LRRC36: variants seen among roughly 807,000 people sequenced by gnomAD.
The protein encoded by LRRC36 is leucine-rich repeat-containing protein 36.
LRRC36 carries 62 observed loss-of-function variants against 81.1 expected under a neutral mutation model. The ratio of observed to expected loss-of-function variants is 0.76; its 90% CI spans 0.62 to 0.94. The LOEUF (loss-of-function observed/expected upper bound fraction) is 0.94, where lower values mean the gene tolerates loss of function less well. Ranked by LOEUF, LRRC36 falls within the 40% of genes least tolerant of loss-of-function variation. The probability of loss-of-function intolerance (pLI) is 0.00; values close to 1 mark genes in which losing one functional copy is unlikely to be tolerated. For missense variants in LRRC36, 761 were observed against 881.7 expected, an observed-to-expected ratio of 0.86 and a Z score of 1.73; for synonymous variants, 334 against 348.6, an observed-to-expected ratio of 0.96 and a Z score of 0.47.
At chr16:67,362,086 T>TAAAAATTAA in intron 5 of LRRC36, 1 of 349,554 alleles carries the variant, frequency 2.9e-6, no homozygotes, top group South Asian at 2.1e-5. Flanking sequence ...TTTTTTAATG[T>TAAAAATTAA]AAAAATTAAA....
chr16:67,358,075 GA>G, intron 5 of LRRC36, among the ~76,000 whole-genome samples: 1 of 149,794 alleles, frequency 6.7e-6, no homozygotes, highest in African/African-American at 2.5e-5. Context: ...TATAAGACAA[GA>G]AAAAAATAAT....
At chr16:67,384,488 A>T (rs966517902) in intron 13 of LRRC36, among the ~76,000 whole-genome samples, 5 of 152,192 alleles carry the variant, frequency 3.3e-5, no homozygotes, top group Admixed American at 6.5e-5. Flanking sequence ...GACTAGCACC[A>T]TTAGTGAATT....
rs539074285 is a variant in LRRC36, at chr16:67,365,541, T to G, written c.754+186T>G. ...GACTTTTCTGCTTAAAGAGTGCATA[T>G]TCTGACCTCCTTTGTTCTTGATTTT... On this transcript the variant is annotated intron_variant, in intron 7 of 13. Transcript: ENST00000329956. Among the ~76,000 whole-genome samples, 10 of 152,304 alleles carry G rather than the reference T, an allele frequency of 6.6e-5. No homozygotes were observed. In the South Asian group the frequency reaches 2.1e-3, roughly 32 times the overall value.
rs143215095 is a variant in LRRC36 at position 67,341,981 on chromosome 16, A to T, written c.95A>T (p.Gln32Leu). The stretch of plus-strand genomic sequence containing the variant: ...GAACTGGTGGAGTCTCTTTCATTGC[A>T]GGGATCTTATGCTGGCAAAATCCAT... ...QPELVESLSL[Q>L]GSYAGKIHSI... Residue 32 changes from glutamine (Q) to leucine (L), a missense_variant, in exon 2 of 14, where the codon CAG (glutamine) becomes CTG (leucine). Transcript: ENST00000329956. 3.2e-5 allele frequency: 52 copies of T among 1,611,328 alleles called. No individual in the cohort carries two copies. The highest frequency in any genetic ancestry group is 4.2e-5 in the Non-Finnish European group (50 of 1,178,146).
At chr16:67,375,462 G>T in intron 10 of LRRC36, 50 bp downstream of exon 10, 1 of 1,491,980 alleles carries the variant, frequency 6.7e-7, no homozygotes, top group Non-Finnish European at 8.9e-7. Context: ...CTTTTCCTCT[G>T]CTCTGTGTTC....
In LRRC36 at chr16:67,346,258, A is replaced by G; in HGVS notation, c.201A>G (p.Gly67=). 6.5e-7 allele frequency: 1 copy of G among 1,549,718 alleles called. No homozygotes were observed. Residue 67 remains glycine, a splice_region_variant and synonymous_variant, in exon 3 of 14, where the codon GGA becomes GGG. Coordinates refer to ENST00000329956, the MANE Select transcript of LRRC36 (RefSeq NM_018296.6). ...ATAATGTGGTGTTTTCCTTGTAGGG[A>G]ATCCAGTATTTATGTTCACTCCAAG... ...LSRNLITSLK[G]IQYLCSLQDL... is the part of the protein sequence containing the mutation.
chr16:67,370,787 G>A (rs978495820), intron 8 of LRRC36, among the ~76,000 whole-genome samples, 157 bp from the exon 9 acceptor site: 3 of 152,124 alleles, frequency 2.0e-5, no homozygotes, highest in African/African-American at 4.8e-5. Context: ...ACATGTGGAC[G>A]GTTAGATTTA....
At chr16:67,360,272 T>C (rs188723502) in intron 5 of LRRC36, among the ~76,000 whole-genome samples, 110 of 152,296 alleles carry the variant, frequency 7.2e-4, no homozygotes, top group Non-Finnish European at 1.2e-3. Context: ...ATGTAAGTGA[T>C]AGCTAAAACC....
chr16:67,371,487 C>T (rs760207409), intron 9 of LRRC36: 43 of 529,498 alleles, frequency 8.1e-5, no homozygotes, highest in Non-Finnish European at 1.2e-4. Context: ...GATCTACTTC[C>T]GGCTGAAGAT....
chr16:67,341,763 G>A (rs1192678761), intron 1 of LRRC36, among the ~76,000 whole-genome samples, 194 bp from the exon 2 acceptor site: 1 of 152,010 alleles, frequency 6.6e-6, no homozygotes, highest in Non-Finnish European at 1.5e-5. Flanking sequence ...AAACTCAAGG[G>A]CTCTATAAAA....
intron 1 of LRRC36, among the ~76,000 whole-genome samples, chr16:67,340,412 C>G (rs1392456451): frequency 1.3e-5 from 2 of 151,904 alleles, no homozygotes; most frequent in Admixed American, 1.3e-4. Context: ...AATCCCAGCA[C>G]TTTGGGAGGC....
At chr16:67,362,169 T>C in intron 5 of LRRC36, 1 of 453,596 alleles carries the variant, frequency 2.2e-6, no homozygotes, top group Non-Finnish European at 4.4e-6. Flanking sequence ...TTTTGTTTTG[T>C]TTTTTCTTCC....
intron 1 of LRRC36, among the ~76,000 whole-genome samples, chr16:67,327,251 C>G (rs2037232024): frequency 6.6e-6 from 1 of 151,968 alleles, no homozygotes; most frequent in South Asian, 2.1e-4. Flanking sequence ...GGTGGCTGAC[C>G]GCTGTAATCC....
chr16:67,362,301 T>C, intron 5 of LRRC36: 1 of 407,042 alleles, frequency 2.5e-6, no homozygotes, highest in South Asian at 1.7e-5. Flanking sequence ...CAGCTGGGAT[T>C]ACAGGTGTGC....
Position 67,349,266 on chromosome 16 carries a change from A to G in LRRC36, c.489-936A>G, listed in dbSNP as rs118049491. 5.1e-3 allele frequency among the ~76,000 whole-genome samples: 776 copies of G among 152,076 alleles called. 3 individuals are homozygous for G. The highest frequency in any genetic ancestry group is 8.3e-3 in the Non-Finnish European group (566 of 67,980). On this transcript the variant is annotated intron_variant, in intron 4 of 13. Transcript: ENST00000329956. ...GAAAAATGTTACTCAAGTACCCTGT[A>G]TTAACATTAATATCTTATAAGCTCT...
intron 10 of LRRC36, among the ~76,000 whole-genome samples, chr16:67,376,352 T>A (rs1053722968): frequency 6.6e-6 from 1 of 152,094 alleles, no homozygotes; most frequent in Non-Finnish European, 1.5e-5. Flanking sequence ...ACTAGAAACT[T>A]AAACGTTGTT....
intron 9 of LRRC36, among the ~76,000 whole-genome samples, chr16:67,372,962 G>A (rs2039714159): frequency 6.6e-6 from 1 of 152,112 alleles, no homozygotes; most frequent in Admixed American, 6.5e-5. Flanking sequence ...GTGTGTTACT[G>A]TATTCAGAGT....
At chr16:67,335,783 A>T (rs1008275626) in intron 1 of LRRC36, among the ~76,000 whole-genome samples, 11 of 151,018 alleles carry the variant, frequency 7.3e-5, no homozygotes, top group African/African-American at 2.7e-4. Flanking sequence ...CCCAGGCTGG[A>T]ATGCAGTGGC....
intron 11 of LRRC36, 146 bp downstream of exon 11, chr16:67,377,018 G>A: frequency 2.5e-6 from 2 of 812,620 alleles, no homozygotes; most frequent in South Asian, 2.8e-5. Flanking sequence ...GCTAGGACAG[G>A]GACAACTTGG....
Sources: gnomAD v4.1 joint callset for allele counts (sites outside exome capture counted in the v4.1 genomes callset) on GRCh38, gnomAD v4.1.1 for gene constraint, MANE v1.5 for transcripts, NCBI Gene and HGNC (gene_info 2026-07-23, HGNC 2026-07-21) for gene names.